The following EFR3B variants were observed in gnomAD, a reference collection of about 807,000 sequenced individuals.
EFR3B encodes EFR3 homolog B.
In EFR3B, 64 loss-of-function variants were observed where a neutral mutation model predicts 104.7. The ratio of observed to expected loss-of-function variants is 0.61; its 90% confidence interval spans 0.50 to 0.75. The LOEUF (loss-of-function observed/expected upper bound fraction) is 0.75, where lower values mean the gene tolerates loss of function less well. EFR3B is among the 30% of genes least tolerant of loss of function. The pLI is 0.00. For synonymous variants in EFR3B, 385 were observed against 417.9 expected, an observed-to-expected ratio of 0.92 and a Z score of 0.96; for missense variants, 750 against 1,078.5, an observed-to-expected ratio of 0.70 and a Z score of 4.27.
rs113494331 is a variant in EFR3B at position 25,095,133 on chromosome 2, G to A, written c.212+2003G>A. Among the ~76,000 whole-genome samples, 213 of 152,238 alleles carry A rather than the reference G, an allele frequency of 1.4e-3. 2 individuals carry two copies. Among genetic ancestry groups the A allele is most frequent in the African/African-American group, 4.8e-3 (198 of 41,536 alleles). On this transcript the variant is annotated intron_variant, in intron 3 of 22. Transcript: ENST00000403714. Reference sequence around the variant, plus strand: ...AATACAGTCTACCTTCACACACAGAGATGTTCGTTATCTTGTTATTTATAA... The same window carrying A: ...AATACAGTCTACCTTCACACACAGAAATGTTCGTTATCTTGTTATTTATAA...
intron 1 of EFR3B, among the ~76,000 whole-genome samples, chr2:25,047,483 C>T (rs1316765838): frequency 1.3e-5 from 2 of 151,976 alleles, no homozygotes; most frequent in East Asian, 3.9e-4. Flanking sequence ...TTCTCTGTTT[C>T]TTAATTTTTT....
chr2:25,111,666 T>C (rs1251790884), intron 4 of EFR3B, among the ~76,000 whole-genome samples: 1 of 152,190 alleles, frequency 6.6e-6, no homozygotes, highest in Admixed American at 6.5e-5. Context: ...GGGCCTGATA[T>C]AATCTCAAGG....
At chr2:25,061,066 T>C (rs1668179552) in intron 1 of EFR3B, among the ~76,000 whole-genome samples, 1 of 151,434 alleles carries the variant, frequency 6.6e-6, no homozygotes, top group Non-Finnish European at 1.5e-5. Context: ...AGAGAATAAA[T>C]GTGAATTTCA....
rs1357402522 is a variant in EFR3B at position 25,128,187 on chromosome 2, C to T, written c.490C>T (p.Arg164Ter). Residue 164 changes from arginine to a stop codon, truncating the protein, a stop_gained, in exon 6 of 23, where the codon CGA becomes TGA. Coordinates refer to ENST00000403714, the MANE Select transcript of EFR3B (RefSeq NM_014971.2). LOFTEE classifies it high-confidence loss of function. ...HDDLEIKTKI[R>*]MSGIKGLQGV... ...ACTTCACCCTTTTCCTTACAGAATTCGAATGTCAGGCATCAAAGGCCTGCA... is the reference window on the plus strand; with the variant it reads ...ACTTCACCCTTTTCCTTACAGAATTTGAATGTCAGGCATCAAAGGCCTGCA... 3 of 1,551,516 alleles carry T rather than the reference C, an allele frequency of 1.9e-6. No individual in the cohort carries two copies. The highest frequency in any genetic ancestry group is 2.0e-5 in the Admixed American group (1 of 50,972).
In EFR3B at chr2:25,130,616, A is replaced by G. The variant is rs999370079; in HGVS notation, c.835A>G (p.Met279Val). 5 of 1,551,584 alleles carry G rather than the reference A, an allele frequency of 3.2e-6. No individual in the cohort carries two copies. Among genetic ancestry groups the G allele is most frequent in the South Asian group, 1.2e-5 (1 of 84,058 alleles). Residue 279 changes from methionine (M) to valine (V), a missense_variant, in exon 8 of 23, where the codon ATG (methionine) becomes GTG (valine). Coordinates refer to ENST00000403714, the MANE Select transcript of EFR3B (RefSeq NM_014971.2). The surrounding 1 kb of genome is among the most constrained non-coding windows in gnomAD (Gnocchi z 4.6). ...TGCCATCCGTTGCTTTAAAATCATCATGTACTCAATTCAGGTATGGTGGCT... is the reference window on the plus strand; with the variant it reads ...TGCCATCCGTTGCTTTAAAATCATCGTGTACTCAATTCAGGTATGGTGGCT... Reference protein sequence around the residue: ...VFAIRCFKIIMYSIQPQHSHL... With the variant: ...VFAIRCFKIIVYSIQPQHSHL...
chr2:25,075,522 CT>C (rs1369656204), intron 1 of EFR3B, among the ~76,000 whole-genome samples: 1 of 152,204 alleles, frequency 6.6e-6, no homozygotes, highest in East Asian at 1.9e-4. Flanking sequence ...CCTCTGACCC[CT>C]TCCCATCCCA....
intron 19 of EFR3B, among the ~76,000 whole-genome samples, chr2:25,149,203 C>G (rs1026015646): frequency 6.6e-6 from 1 of 151,892 alleles, no homozygotes; most frequent in African/African-American, 2.4e-5. Context: ...TAAAAATTAG[C>G]CAGGCATGGT....
intron 1 of EFR3B, among the ~76,000 whole-genome samples, chr2:25,070,068 C>T (rs549446614): frequency 2.0e-5 from 3 of 152,296 alleles, no homozygotes; most frequent in East Asian, 3.9e-4. Context: ...GACAGTAACT[C>T]CTGGCTATTG....
At chr2:25,046,151 C>T in intron 1 of EFR3B, among the ~76,000 whole-genome samples, 1 of 152,014 alleles carries the variant, frequency 6.6e-6, no homozygotes, top group Non-Finnish European at 1.5e-5. Context: ...TTTGGGAGGC[C>T]AGGGTGGGTG....
At chr2:25,134,218 T>G (rs1283780266) in intron 12 of EFR3B, among the ~76,000 whole-genome samples, 1 of 151,448 alleles carries the variant, frequency 6.6e-6, no homozygotes, top group Non-Finnish European at 1.5e-5. Context: ...TCGCTCTTGT[T>G]GCTTAGGCTG....
At chr2:25,108,439 A>ATAT (rs1160800804) in intron 4 of EFR3B, among the ~76,000 whole-genome samples, 2 of 152,242 alleles carry the variant, frequency 1.3e-5, no homozygotes, top group African/African-American at 4.8e-5. Context: ...ACAATCTAAT[A>ATAT]TATTAGCCTA....
At chr2:25,132,049 C>T (rs1405817542) in intron 10 of EFR3B, 138 bp downstream of exon 10, 1 of 496,944 alleles carries the variant, frequency 2.0e-6, no homozygotes, top group East Asian at 1.3e-4. Context: ...AAGAGGGACC[C>T]TGGAAAGGGG....
chr2:25,127,941 C>A (rs1670211852), intron 5 of EFR3B, among the ~76,000 whole-genome samples: 1 of 152,144 alleles, frequency 6.6e-6, no homozygotes, highest in Non-Finnish European at 1.5e-5. Context: ...AGGGCTGGAG[C>A]CCAGATGGTA....
intron 1 of EFR3B, among the ~76,000 whole-genome samples, chr2:25,053,933 C>A (rs1667951661): frequency 6.6e-6 from 1 of 152,132 alleles, no homozygotes; most frequent in African/African-American, 2.4e-5. Flanking sequence ...AAAAAACACA[C>A]AAACAAAAAA....
At chr2:25,118,278 G>T (rs1392084662) in intron 4 of EFR3B, among the ~76,000 whole-genome samples, 1 of 152,196 alleles carries the variant, frequency 6.6e-6, no homozygotes, top group Non-Finnish European at 1.5e-5. Context: ...ACTGCGCCTG[G>T]CTGAGCTTAA....
At chr2:25,059,320 G>A (rs1277610526) in intron 1 of EFR3B, among the ~76,000 whole-genome samples, 2 of 152,002 alleles carry the variant, frequency 1.3e-5, no homozygotes, top group Non-Finnish European at 2.9e-5. Flanking sequence ...CTGACCTCAG[G>A]TGATCCACCT....
Position 25,145,031 on chromosome 2 carries a change from A to T in EFR3B, c.2122A>T (p.Asn708Tyr). Reference protein sequence around the residue: ...ISLQVEVESRNSPEKEERVPA... With the variant: ...ISLQVEVESRYSPEKEERVPA... Reference sequence around the variant, plus strand: ...CCTGCAGGTGGAGGTAGAATCGAGGAACAGTCCGGAGAAGGAGGAGGTGAG... The same window carrying T: ...CCTGCAGGTGGAGGTAGAATCGAGGTACAGTCCGGAGAAGGAGGAGGTGAG... Residue 708 changes from asparagine to tyrosine, a missense_variant, in exon 19 of 23, where the codon AAC (asparagine) becomes TAC (tyrosine). Physicochemically the swap from Asn to Tyr is moderately radical, Grantham distance 143. Coordinates refer to ENST00000403714, the MANE Select transcript of EFR3B (RefSeq NM_014971.2). 23 of 1,551,754 alleles carry T rather than the reference A, an allele frequency of 1.5e-5. No homozygotes were observed. The highest frequency in any genetic ancestry group is 2.0e-5 in the Non-Finnish European group (23 of 1,147,000).
chr2:25,131,567 A>G lies in EFR3B; in HGVS notation c.985+64A>G. The stretch of plus-strand genomic sequence containing the variant: ...GCGGAGGCTGCCGCCTCTTACAGAG[A>G]GAGGCAAGGGACAACAGGGAGGGGT... On this transcript the variant is annotated intron_variant, in intron 9 of 22. Transcript: ENST00000403714. The surrounding 1 kb of genome is among the most constrained non-coding windows in gnomAD (Gnocchi z 7.6). The G allele has an allele frequency of 6.5e-7, 1 of 1,540,292 alleles. No individual in the cohort carries two copies. The highest frequency in any genetic ancestry group is 2.5e-5 in the East Asian group (1 of 40,674).
intron 12 of EFR3B, among the ~76,000 whole-genome samples, chr2:25,134,253 C>T (rs1379539687): frequency 1.3e-5 from 2 of 150,798 alleles, no homozygotes; most frequent in African/African-American, 4.9e-5. Flanking sequence ...GATCTTGGCT[C>T]ACTGCAACCT....
Sources: allele counts gnomAD v4.1 joint callset (sites outside exome capture counted in the v4.1 genomes callset), GRCh38; gene constraint gnomAD v4.1.1; non-coding constraint Gnocchi (gnomAD v3.1); transcripts MANE v1.5; gene names NCBI Gene and HGNC (gene_info 2026-07-23, HGNC 2026-07-21).